Variants in CHCHD6 observed in about 807,000 individuals in gnomAD.
The protein encoded by CHCHD6 is coiled-coil-helix-coiled-coil-helix domain containing 6.
In CHCHD6, 28 loss-of-function variants were observed where a neutral mutation model predicts 32.3. The observed-to-expected ratio is 0.87, with a 90% CI of 0.64 to 1.19. The LOEUF is 1.19. Ranked by LOEUF, CHCHD6 falls within the 50% of genes most tolerant of loss-of-function variation. CHCHD6 has a pLI of 0.00. For missense variants in CHCHD6, 333 were observed against 307.0 expected, an observed-to-expected ratio of 1.08 and a Z score of -0.63; for synonymous variants, 122 against 117.5, an observed-to-expected ratio of 1.04 and a Z score of -0.25.
At chr3:126,933,474 C>T (rs1398917114) in intron 6 of CHCHD6, among the ~76,000 whole-genome samples, 1 of 152,174 alleles carries the variant, frequency 6.6e-6, no homozygotes, top group Non-Finnish European at 1.5e-5. Context: ...ACAGGCTGTA[C>T]AGGCCTGAAA....
At chr3:126,940,634 AC>A (rs767213309) in intron 6 of CHCHD6, among the ~76,000 whole-genome samples, 26 of 152,318 alleles carry the variant, frequency 1.7e-4, no homozygotes, top group Admixed American at 7.2e-4. Context: ...TGACCTGCTA[AC>A]CCTTCAAAAG....
intron 4 of CHCHD6, chr3:126,780,531 C>G (rs978539439): frequency 2.0e-5 from 4 of 197,810 alleles, no homozygotes; most frequent in Middle Eastern, 5.0e-4. Context: ...TAATCTTCCC[C>G]CCTTTTATTA....
intron 4 of CHCHD6, among the ~76,000 whole-genome samples, chr3:126,782,220 A>T (rs915903319): frequency 1.3e-5 from 2 of 152,226 alleles, no homozygotes; most frequent in African/African-American, 4.8e-5. Context: ...CTCGATTTAC[A>T]TAGTGAGTAA....
At chr3:126,787,180 C>A (rs1329709077) in intron 4 of CHCHD6, among the ~76,000 whole-genome samples, 1 of 152,188 alleles carries the variant, frequency 6.6e-6, no homozygotes, top group African/African-American at 2.4e-5. Flanking sequence ...TTCCATTGGT[C>A]TGTATCTCTG....
chr3:126,890,632 A>G (rs756224181), intron 5 of CHCHD6, among the ~76,000 whole-genome samples: 1 of 152,232 alleles, frequency 6.6e-6, no homozygotes, highest in African/African-American at 2.4e-5. Flanking sequence ...GTAAGAGTCC[A>G]CTTGAACAAC....
At chr3:126,783,779 G>A (rs567097058) in intron 4 of CHCHD6, among the ~76,000 whole-genome samples, 1 of 150,784 alleles carries the variant, frequency 6.6e-6, no homozygotes, top group African/African-American at 2.5e-5. Context: ...TGATCTGTAA[G>A]GTAGAGGGCT....
At chr3:126,823,789 A>G (rs1311649288) in intron 4 of CHCHD6, among the ~76,000 whole-genome samples, 1 of 152,192 alleles carries the variant, frequency 6.6e-6, no homozygotes, top group Non-Finnish European at 1.5e-5. Flanking sequence ...GCTCACGCCT[A>G]TAATCCCAGC....
chr3:126,820,887 C>A (rs73201801), intron 4 of CHCHD6, among the ~76,000 whole-genome samples: 8,100 of 152,178 alleles, frequency 0.053, 330 homozygotes, highest in South Asian at 0.19. Flanking sequence ...TTAGTATATT[C>A]GCAGAATTGT....
At chr3:126,788,923 A>G (rs916020628) in intron 4 of CHCHD6, among the ~76,000 whole-genome samples, 4 of 152,092 alleles carry the variant, frequency 2.6e-5, no homozygotes, top group African/African-American at 7.2e-5. Flanking sequence ...CAGGATGTCA[A>G]TTTTAGATCT....
At chr3:126,795,386 A>G (rs891773370) in intron 4 of CHCHD6, among the ~76,000 whole-genome samples, 1 of 152,238 alleles carries the variant, frequency 6.6e-6, no homozygotes, top group Non-Finnish European at 1.5e-5. Flanking sequence ...TGTAATTGGC[A>G]TTCAGTGAAT....
At chr3:126,935,490 G>A (rs1177376141) in intron 6 of CHCHD6, among the ~76,000 whole-genome samples, 1 of 152,224 alleles carries the variant, frequency 6.6e-6, no homozygotes, top group African/African-American at 2.4e-5. Context: ...TTGAAGCACA[G>A]AAAAGTTCTG....
intron 7 of CHCHD6, chr3:126,958,083 C>A: frequency 5.7e-6 from 1 of 176,714 alleles, no homozygotes; most frequent in Non-Finnish European, 1.2e-5. Context: ...GCTCTCTGGT[C>A]ACCTCCCACT....
At chr3:126,910,576 T>TTATAA (rs2078075210) in intron 5 of CHCHD6, among the ~76,000 whole-genome samples, 1 of 152,216 alleles carries the variant, frequency 6.6e-6, no homozygotes, top group Non-Finnish European at 1.5e-5. Context: ...ATACACCCTT[T>TTATAA]GACCCAAGAA....
rs1011245967 is a variant in CHCHD6, at chr3:126,744,812, C to G, written c.411+11590C>G. 2.6e-5 allele frequency among the ~76,000 whole-genome samples: 4 copies of G among 152,268 alleles called. No homozygotes were observed. In the South Asian group the frequency reaches 8.3e-4, roughly 32 times the overall value. ...AAGTGATTCTCCTGCCTCAGCCTCC[C>G]CAGTAGCTGGGACTACCGGCGTGCA... is the stretch of plus-strand genomic sequence containing the variant. On this transcript the variant is annotated intron_variant, in intron 4 of 7. Coordinates refer to ENST00000290913, the MANE Select transcript of CHCHD6 (RefSeq NM_032343.3).
chr3:126,831,346 G>A (rs1397042843), intron 4 of CHCHD6, among the ~76,000 whole-genome samples: 2 of 152,142 alleles, frequency 1.3e-5, no homozygotes, highest in East Asian at 1.9e-4. Context: ...CCTTTAACTA[G>A]CGTGCTGCCT....
At chr3:126,754,619 T>A (rs1009170419) in intron 4 of CHCHD6, among the ~76,000 whole-genome samples, 1 of 152,188 alleles carries the variant, frequency 6.6e-6, no homozygotes, top group Admixed American at 6.5e-5. Flanking sequence ...CTCTAACAGC[T>A]CGGCTTCCGA....
At chr3:126,763,629 C>T (rs1386316552) in intron 4 of CHCHD6, among the ~76,000 whole-genome samples, 2 of 152,158 alleles carry the variant, frequency 1.3e-5, no homozygotes, top group South Asian at 2.1e-4. Context: ...GCATGAAGTA[C>T]CACACTCAGC....
In CHCHD6 at chr3:126,764,994, C is replaced by T. The variant is rs571487467; in HGVS notation, c.411+31772C>T. Among the ~76,000 whole-genome samples the T allele has an allele frequency of 1.4e-3, 219 of 152,234 alleles. 5 individuals are homozygous for T. The South Asian group carries it at 0.038, about 27-fold the overall frequency. On this transcript the variant is annotated intron_variant, in intron 4 of 7. Coordinates refer to ENST00000290913, the MANE Select transcript of CHCHD6 (RefSeq NM_032343.3). ...CTTGGGACTGGCGGGACAGACACTG[C>T]TACGTGCCCTCCAAGGGCGGGAGTC...
intron 6 of CHCHD6, among the ~76,000 whole-genome samples, chr3:126,926,335 C>CCAAT (rs2078324480): frequency 6.6e-6 from 1 of 152,206 alleles, no homozygotes; most frequent in South Asian, 2.1e-4. Context: ...TCCTCAGGGT[C>CCAAT]CAATACTTAT....
Sources: allele counts gnomAD v4.1 joint callset (sites outside exome capture counted in the v4.1 genomes callset), GRCh38; gene constraint gnomAD v4.1.1; transcripts MANE v1.5; gene names NCBI Gene and HGNC (gene_info 2026-07-23, HGNC 2026-07-21).